The following TLL2 variants were observed in gnomAD, a reference collection of about 807,000 sequenced individuals.
TLL2 encodes the protein tolloid-like protein 2.
A neutral mutation model predicts 123.0 loss-of-function variants in TLL2; 106 were observed. The ratio of observed to expected loss-of-function variants is 0.86; its 90% confidence interval spans 0.74 to 1.01. The LOEUF (loss-of-function observed/expected upper bound fraction) is 1.01. Ranked by LOEUF, TLL2 falls within the 50% of genes least tolerant of loss-of-function variation. The pLI, the probability that TLL2 is intolerant of heterozygous loss-of-function variation, is 0.00. For synonymous variants in TLL2, 494 were observed against 516.8 expected (o/e 0.96, Z 0.60); for missense variants, 1,332 against 1,336.7 (o/e 1.00, Z 0.06).
intron 1 of TLL2, among the ~76,000 whole-genome samples, chr10:96,488,337 G>A (rs115431636): frequency 0.013 from 2,020 of 152,338 alleles, 45 homozygotes; most frequent in South Asian, 0.07. Flanking sequence ...GACAACAGCT[G>A]CAAGAGGGCA....
chr10:96,370,023 A>C, intron 20 of TLL2, 42 bp downstream of exon 20: 2 of 1,508,604 alleles, frequency 1.3e-6, no homozygotes, highest in Non-Finnish European at 1.8e-6. Flanking sequence ...CCTGCTGTGA[A>C]TCATCACACT....
chr10:96,415,660 T>C (rs975026953), intron 7 of TLL2, among the ~76,000 whole-genome samples: 5 of 148,244 alleles, frequency 3.4e-5, no homozygotes, highest in African/African-American at 1.3e-4. Flanking sequence ...AATAGTTATT[T>C]ACATCCAAAA....
chr10:96,458,276 C>T (rs1847036780), intron 2 of TLL2, among the ~76,000 whole-genome samples: 1 of 152,140 alleles, frequency 6.6e-6, no homozygotes, highest in Non-Finnish European at 1.5e-5. Context: ...AAGGCACCCA[C>T]TTGGCCATTC....
At chr10:96,446,297 C>T in intron 2 of TLL2, 129 bp from the exon 3 acceptor site, 1 of 821,066 alleles carries the variant, frequency 1.2e-6, no homozygotes. Context: ...AGCTTCGTTC[C>T]ACAAATCAAC....
At chr10:96,490,315 A>AT (rs961776998) in intron 1 of TLL2, among the ~76,000 whole-genome samples, 5 of 151,936 alleles carry the variant, frequency 3.3e-5, no homozygotes, top group Non-Finnish European at 4.4e-5. Context: ...CAAAATCCCA[A>AT]TTTTTTTTAT....
At chr10:96,383,787 AT>A (rs56007977) in intron 16 of TLL2, among the ~76,000 whole-genome samples, 56,802 of 137,184 alleles carry the variant, frequency 0.41, 11,789 homozygotes, top group East Asian at 0.6. Context: ...CGCCCGGCTA[AT>A]TTTTTTTTTT....
chr10:96,369,214 G>T (rs1177154903), intron 20 of TLL2, among the ~76,000 whole-genome samples: 1 of 152,194 alleles, frequency 6.6e-6, no homozygotes, highest in Non-Finnish European at 1.5e-5. Flanking sequence ...ACTGGCCAAT[G>T]CGCAAACTCC....
rs201081776 is a variant in TLL2, at chr10:96,422,639, C to T, written c.727G>A (p.Glu243Lys). Residue 243 changes from glutamate to lysine, a missense_variant, in exon 6 of 21, where the codon GAG becomes AAG. Transcript: ENST00000357947. ...CAAAACCCAACCACATGGCCCAGCT[C>T]GTGAGCCACAATGCCAAACTTGTCA... ...NCDKFGIVAH[E>K]LGHVVGFWHE... is the part of the protein sequence containing the mutation. 1.3e-4 allele frequency: 203 copies of T among 1,614,090 alleles called. No homozygotes were observed. Among genetic ancestry groups the T allele is most frequent in the Non-Finnish European group, 1.5e-4 (176 of 1,180,050 alleles).
At chr10:96,429,732 C>A (rs762824166) in intron 4 of TLL2, among the ~76,000 whole-genome samples, 18 of 152,170 alleles carry the variant, frequency 1.2e-4, no homozygotes, top group Non-Finnish European at 2.4e-4. Flanking sequence ...TTTGCATGTA[C>A]ATCTGTGTAC....
chr10:96,501,541 T>A (rs1311844561), intron 1 of TLL2, among the ~76,000 whole-genome samples: 2 of 152,256 alleles, frequency 1.3e-5, no homozygotes, highest in Admixed American at 1.3e-4. Flanking sequence ...CTTAGGGATA[T>A]GTTTCAAATG....
chr10:96,416,538 G>T (rs1222867735), intron 7 of TLL2, among the ~76,000 whole-genome samples: 1 of 152,204 alleles, frequency 6.6e-6, no homozygotes, highest in African/African-American at 2.4e-5. Flanking sequence ...GGAGAGGCAG[G>T]CCAGGAGCTC....
intron 2 of TLL2, among the ~76,000 whole-genome samples, chr10:96,464,433 G>T (rs1313901466): frequency 2.0e-5 from 3 of 151,904 alleles, no homozygotes; most frequent in African/African-American, 4.8e-5. Context: ...AGAAGAAACT[G>T]CCAGAACATG....
rs2134104416 is a variant in TLL2 at position 96,480,412 on chromosome 10, A to G, written c.223T>C (p.Phe75Leu). ...CAGTCTCTGGCTTTGTCAATGTGAA[A>G]CAGCTTCAAGTCATCTTCATCTAAG... ...IALDEDDLKL[F>L]HIDKARDWTK... Residue 75 changes from phenylalanine to leucine, a missense_variant, in exon 2 of 21, where the codon TTT (phenylalanine) becomes CTT (leucine). By Grantham distance (22) the Phe-to-Leu change is conservative. Transcript: ENST00000357947. The G allele has an allele frequency of 1.2e-6, 2 of 1,614,208 alleles. No homozygotes were observed. The highest frequency in any genetic ancestry group is 1.1e-5 in the South Asian group (1 of 91,086).
intron 13 of TLL2, 25 bp from the exon 14 acceptor site, chr10:96,387,103 G>C: frequency 6.2e-7 from 1 of 1,607,148 alleles, no homozygotes; most frequent in Non-Finnish European, 8.5e-7. Flanking sequence ...AGGTGACCCC[G>C]GTTACATTGT....
intron 16 of TLL2, among the ~76,000 whole-genome samples, chr10:96,383,890 C>G (rs2134056742): frequency 6.6e-6 from 1 of 152,150 alleles, no homozygotes; most frequent in Admixed American, 6.5e-5. Context: ...CTCGGCCTCC[C>G]AAAGTGCTGG....
intron 2 of TLL2, among the ~76,000 whole-genome samples, chr10:96,464,627 T>C (rs1847111430): frequency 6.6e-6 from 1 of 152,102 alleles, no homozygotes; most frequent in African/African-American, 2.4e-5. Context: ...GAGGCAGAAA[T>C]GGTATATTCC....
intron 18 of TLL2, among the ~76,000 whole-genome samples, 171 bp downstream of exon 18, chr10:96,376,521 C>T (rs544781457): frequency 2.0e-5 from 3 of 152,282 alleles, no homozygotes; most frequent in Admixed American, 6.5e-5. Flanking sequence ...CACAACAGCC[C>T]GATGAAGTAG....
intron 2 of TLL2, among the ~76,000 whole-genome samples, chr10:96,465,369 G>A (rs186030836): frequency 1.3e-5 from 2 of 152,316 alleles, no homozygotes; most frequent in African/African-American, 2.4e-5. Context: ...GGAAGAATCT[G>A]TCTGATGCTA....
At chr10:96,482,802 T>C (rs1385593905) in intron 1 of TLL2, among the ~76,000 whole-genome samples, 1 of 152,204 alleles carries the variant, frequency 6.6e-6, no homozygotes, top group Non-Finnish European at 1.5e-5. Context: ...ATAAGTGAAT[T>C]ACACAGCATG....
Sources: gnomAD v4.1 joint callset for allele counts (sites outside exome capture counted in the v4.1 genomes callset) on GRCh38, gnomAD v4.1.1 for gene constraint, MANE v1.5 for transcripts, NCBI Gene and HGNC (gene_info 2026-07-23, HGNC 2026-07-21) for gene names.